Variants in TXNDC16 observed in about 807,000 individuals in gnomAD.
TXNDC16 encodes thioredoxin domain-containing protein 16.
Under a neutral mutation model 85.6 loss-of-function variants are expected in TXNDC16, and 74 were observed. The ratio of observed to expected loss-of-function variants is 0.86; its 90% CI spans 0.72 to 1.05. The LOEUF (loss-of-function observed/expected upper bound fraction) is 1.05, where lower values mean the gene tolerates loss of function less well. Ranked by LOEUF, TXNDC16 falls within the 50% of genes least tolerant of loss-of-function variation. The pLI, the probability that TXNDC16 is intolerant of heterozygous loss-of-function variation, is 0.00. For missense variants in TXNDC16, 959 were observed against 947.0 expected (o/e 1.01, Z -0.17); for synonymous variants, 335 against 326.5 (o/e 1.03, Z -0.28).
chr14:52,432,202 T>A lies in TXNDC16; in HGVS notation c.*102A>T. Reference sequence around the variant, plus strand: ...TGACTTATATTATAATTCTATTGGATGGCACTAGTCTGCAAACTTGAAATG... The same window carrying A: ...TGACTTATATTATAATTCTATTGGAAGGCACTAGTCTGCAAACTTGAAATG... On this transcript the variant is annotated 3_prime_UTR_variant, in exon 21 of 21. Transcript: ENST00000281741. The A allele has an allele frequency of 2.1e-6, 2 of 958,404 alleles. No individual in the cohort carries two copies. Among genetic ancestry groups the A allele is most frequent in the East Asian group, 5.6e-5 (2 of 35,834 alleles). 59.4% of individuals were successfully genotyped at this position (958,404 alleles called of 1,614,324 possible). A position where few individuals can be genotyped will look rare whatever the true frequency, so the allele number is the denominator to read the frequency against.
chr14:52,513,555 G>C (rs1283993638), intron 8 of TXNDC16, among the ~76,000 whole-genome samples: 2 of 151,822 alleles, frequency 1.3e-5, no homozygotes, highest in Admixed American at 6.6e-5. Flanking sequence ...AGATAACTGT[G>C]CATTTTTAAA....
chr14:52,434,437 A>T (rs1196491923), intron 20 of TXNDC16, among the ~76,000 whole-genome samples: 1 of 152,212 alleles, frequency 6.6e-6, no homozygotes, highest in Non-Finnish European at 1.5e-5. Context: ...ATGATAATAA[A>T]TAATACTAAT....
intron 18 of TXNDC16, among the ~76,000 whole-genome samples, chr14:52,442,731 A>G (rs2035195441): frequency 6.6e-6 from 1 of 152,038 alleles, no homozygotes; most frequent in African/African-American, 2.4e-5. Context: ...TCCCTCTCCT[A>G]AATATTGACA....
intron 9 of TXNDC16, among the ~76,000 whole-genome samples, chr14:52,509,575 T>C (rs1000080834): frequency 6.7e-6 from 1 of 149,910 alleles, no homozygotes. Context: ...CACACAAACA[T>C]GGCACATGTA....
At chr14:52,517,760 C>T (rs1449726955) in intron 7 of TXNDC16, among the ~76,000 whole-genome samples, 1 of 152,172 alleles carries the variant, frequency 6.6e-6, no homozygotes, top group Non-Finnish European at 1.5e-5. Context: ...TTCTCGTTAA[C>T]ATACAAATAT....
chr14:52,443,317 T>A (rs1300722869), intron 18 of TXNDC16, among the ~76,000 whole-genome samples: 3 of 152,230 alleles, frequency 2.0e-5, no homozygotes, highest in Non-Finnish European at 4.4e-5. Context: ...GGACTCGAAC[T>A]GGCTTTCCTT....
chr14:52,440,976 C>T (rs747309931), intron 18 of TXNDC16, among the ~76,000 whole-genome samples: 3 of 152,122 alleles, frequency 2.0e-5, no homozygotes, highest in Non-Finnish European at 4.4e-5. Flanking sequence ...TTAAAGGAGT[C>T]CCCTGTTTTA....
At chr14:52,464,813 G>A (rs1566541637) in intron 16 of TXNDC16, among the ~76,000 whole-genome samples, 1 of 152,050 alleles carries the variant, frequency 6.6e-6, no homozygotes, top group Admixed American at 6.6e-5. Context: ...CATGGCACAT[G>A]TCTGTGGTCT....
chr14:52,442,930 A>G (rs912545068), intron 18 of TXNDC16, among the ~76,000 whole-genome samples: 18 of 152,234 alleles, frequency 1.2e-4, no homozygotes, highest in African/African-American at 3.9e-4. Context: ...AGACTGCTAT[A>G]ATAAATAAAA....
chr14:52,448,023 A>T (rs1409535943), intron 18 of TXNDC16, among the ~76,000 whole-genome samples: 1 of 152,022 alleles, frequency 6.6e-6, no homozygotes, highest in Non-Finnish European at 1.5e-5. Context: ...GAAAAAAAAA[A>T]ACAATGAAGC....
At chr14:52,508,760 T>C (rs919910809) in intron 9 of TXNDC16, among the ~76,000 whole-genome samples, 14 of 152,174 alleles carry the variant, frequency 9.2e-5, no homozygotes, top group Admixed American at 2.0e-4. Flanking sequence ...GTTCATGTCC[T>C]TTGTAGGGAC....
At chr14:52,448,538 A>G (rs2035336284) in intron 18 of TXNDC16, among the ~76,000 whole-genome samples, 1 of 152,182 alleles carries the variant, frequency 6.6e-6, no homozygotes, top group Non-Finnish European at 1.5e-5. Context: ...GAAATGCTAA[A>G]GAGAATGCTT....
intron 9 of TXNDC16, among the ~76,000 whole-genome samples, chr14:52,507,277 A>C (rs1467950525): frequency 6.6e-6 from 1 of 152,142 alleles, no homozygotes; most frequent in Non-Finnish European, 1.5e-5. Context: ...AGGACAGACA[A>C]ACAGAGAGCC....
chr14:52,452,528 G>C (rs780997438), intron 18 of TXNDC16, among the ~76,000 whole-genome samples: 1 of 152,048 alleles, frequency 6.6e-6, no homozygotes, highest in Admixed American at 6.6e-5. Flanking sequence ...AAATAAATCT[G>C]TACATCTACA....
chr14:52,435,011 C>T (rs2034993260), intron 20 of TXNDC16, among the ~76,000 whole-genome samples: 1 of 152,126 alleles, frequency 6.6e-6, no homozygotes, highest in African/African-American at 2.4e-5. Context: ...GAATCAAAGC[C>T]CTCAGGGATG....
chr14:52,441,064 A>AT (rs1028152596), intron 18 of TXNDC16, among the ~76,000 whole-genome samples: 2 of 152,140 alleles, frequency 1.3e-5, no homozygotes, highest in Admixed American at 1.3e-4. Flanking sequence ...CAATTGTTAT[A>AT]TTTTTTCCTC....
chr14:52,514,401 A>G (rs2037029226), intron 8 of TXNDC16, among the ~76,000 whole-genome samples: 1 of 152,198 alleles, frequency 6.6e-6, no homozygotes, highest in East Asian at 1.9e-4. Context: ...GCCCAGCCAA[A>G]AAGTGTGGAA....
chr14:52,540,142 G>A, intron 4 of TXNDC16, among the ~76,000 whole-genome samples: 1 of 152,126 alleles, frequency 6.6e-6, no homozygotes, highest in East Asian at 1.9e-4. Context: ...CAGCTTTCTT[G>A]GGTTATTGTA....
chr14:52,431,096 AAAC>A lies in TXNDC16; in HGVS notation c.*1205_*1207del, dbSNP rs2034882957. ...AAAATGCACAGAGCAAAAATGAGAC[AAAC>A]AACTGCTACAAACAGATCAGTCTAA... is the stretch of plus-strand genomic sequence containing the variant. On this transcript the variant is annotated 3_prime_UTR_variant, in exon 21 of 21. Transcript: ENST00000281741. The A allele has an allele frequency of 6.6e-6, 1 of 152,278 alleles. No individual in the cohort carries two copies. The highest frequency in any genetic ancestry group is 1.5e-5 in the Non-Finnish European group (1 of 68,046). The allele number at this position is 152,278 out of a possible 1,614,324, so 9.4% of individuals were successfully genotyped here.
Sources: gnomAD v4.1 joint callset for allele counts (sites outside exome capture counted in the v4.1 genomes callset) on GRCh38, gnomAD v4.1.1 for gene constraint, MANE v1.5 for transcripts, NCBI Gene and HGNC (gene_info 2026-07-23, HGNC 2026-07-21) for gene names.